Variants in RPS20 observed in about 807,000 individuals in gnomAD.
RPS20 encodes the protein ribosomal protein S20, also known as small ribosomal subunit protein uS10.
RPS20 carries 3 observed loss-of-function variants against 15.3 expected under a neutral mutation model. That is an observed-to-expected ratio of 0.20 (90% CI 0.09 to 0.51). The LOEUF is 0.51. Among genes scored for constraint, RPS20 ranks in the 20% least tolerant of loss-of-function variants. The pLI is 0.96. For synonymous variants in RPS20, 62 were observed against 47.8 expected, an observed-to-expected ratio of 1.30 and a Z score of -1.23; for missense variants, 67 against 145.9, an observed-to-expected ratio of 0.46 and a Z score of 2.79.
downstream of RPS20, among the ~76,000 whole-genome samples, chr8:56,068,760 AGT>A (rs547369776): frequency 4.1e-4 from 55 of 134,540 alleles, no homozygotes; most frequent in African/African-American, 1.4e-3. Context: ...TCAATTTGAC[AGT>A]GTTTCTTAAA....
intron 3 of RPS20, 51 bp downstream of exon 3, chr8:56,073,644 A>C: frequency 6.8e-7 from 1 of 1,479,676 alleles, no homozygotes; most frequent in Non-Finnish European, 9.4e-7. Flanking sequence ...ACCTGAATTT[A>C]TGCAACATCC....
intron 3 of RPS20, 184 bp downstream of exon 3, chr8:56,073,511 A>G (rs760106621): frequency 3.1e-6 from 2 of 651,716 alleles, no homozygotes; most frequent in South Asian, 1.8e-5. Context: ...CACAGCAACA[A>G]TAATTCAACA....
downstream of RPS20, among the ~76,000 whole-genome samples, chr8:56,068,807 C>CTTTTTTTTTTTTTTTTT (rs61576194): frequency 5.4e-4 from 15 of 27,692 alleles, 6 homozygotes; most frequent in Non-Finnish European, 7.1e-4. Flanking sequence ...GTGAAAATAT[C>CTTTTTTTTTTTTTTTTT]TTTTTTTTTT....
At chr8:56,067,599 T>C (rs182580188) in exon 6 of RPS20, 1 of 150,106 alleles carries the variant, frequency 6.7e-6, no homozygotes, top group African/African-American at 2.5e-5. Flanking sequence ...GGCAGGAGAA[T>C]GGCATGAACC....
chr8:56,072,744 T>A (rs893987434), downstream of RPS20: 1 of 325,870 alleles, frequency 3.1e-6, no homozygotes, highest in African/African-American at 2.3e-5. Flanking sequence ...TTTTAACACG[T>A]GCCTACTAGC....
At chr8:56,073,466 G>C in intron 3 of RPS20, 194 bp from the exon 4 acceptor site, 1 of 633,136 alleles carries the variant, frequency 1.6e-6, no homozygotes, top group Non-Finnish European at 2.8e-6. Context: ...CACCCTTAGA[G>C]CTTGCGCCTG....
At chr8:56,067,598 A>C (rs1809647171) in exon 6 of RPS20, 1 of 151,994 alleles carries the variant, frequency 6.6e-6, no homozygotes, top group South Asian at 2.1e-4. Context: ...AGGCAGGAGA[A>C]TGGCATGAAC....
chr8:56,068,530 T>TC (rs1292469363), downstream of RPS20: 2 of 76,396 alleles, frequency 2.6e-5, no homozygotes, highest in African/African-American at 8.4e-5. Context: ...AGAGAAAGAC[T>TC]CTAAAAAAAA....
Position 56,074,422 on chromosome 8 carries a change from G to T in RPS20, c.-39C>A. 6.4e-7 allele frequency: 1 copy of T among 1,550,872 alleles called. No individual in the cohort carries two copies. The highest frequency in any genetic ancestry group is 8.7e-7 in the Non-Finnish European group (1 of 1,154,102). On this transcript the variant is annotated 5_prime_UTR_variant, in exon 1 of 4. Coordinates refer to ENST00000009589, the MANE Select transcript of RPS20 (RefSeq NM_001023.4). ...GGGCTTCCTGACCGACTTGTTCCTC[G>T]GCGAGAGCGAACAGCGGTGAGTCAG...
chr8:56,069,613 T>A, downstream of RPS20: 1 of 948,336 alleles, frequency 1.1e-6, no homozygotes, highest in Non-Finnish European at 1.6e-6. Flanking sequence ...TTCCTCTTAC[T>A]TTCAAAAGAT....
downstream of RPS20, chr8:56,072,829 A>G (rs1809802308): frequency 4.3e-6 from 5 of 1,156,376 alleles, no homozygotes; most frequent in Admixed American, 4.1e-5. Context: ...ATCAGAATTT[A>G]TCTAGAGTAT....
Position 56,074,483 on chromosome 8 carries a change from T to G in RPS20, c.-100A>C. 3 of 1,313,674 alleles carry G rather than the reference T, an allele frequency of 2.3e-6. No homozygotes were observed. The highest frequency in any genetic ancestry group is 1.3e-5 in the South Asian group (1 of 76,946). The allele number at this position is 1,313,674 out of a possible 1,614,324, so 81.4% of individuals were successfully genotyped here. A position where few individuals can be genotyped will look rare whatever the true frequency, so the allele number is the denominator to read the frequency against. ...GTGCGGACCAAAAATCCTCAGCCCT[T>G]ACGACCGCGTCTTCCTCAAAAAGAA... On this transcript the variant is annotated 5_prime_UTR_variant, in exon 1 of 4. Coordinates refer to ENST00000009589, the MANE Select transcript of RPS20 (RefSeq NM_001023.4).
rs183325703 is a variant in RPS20 at position 56,074,503 on chromosome 8, A to G, written c.-120T>C. 1 of 1,113,478 alleles carries G rather than the reference A, an allele frequency of 9.0e-7. No individual in the cohort carries two copies. Among genetic ancestry groups the G allele is most frequent in the Non-Finnish European group, 1.3e-6 (1 of 781,166 alleles). 69.0% of individuals were successfully genotyped at this position (1,113,478 alleles called of 1,614,324 possible). A position where few individuals can be genotyped will look rare whatever the true frequency, so the allele number is the denominator to read the frequency against. On this transcript the variant is annotated 5_prime_UTR_variant, in exon 1 of 4. Transcript: ENST00000009589. ...GCCCTTACGACCGCGTCTTCCTCAA[A>G]AAGAAAGGGGTGGGACTTGAGCAAC... is the stretch of plus-strand genomic sequence containing the variant.
downstream of RPS20, among the ~76,000 whole-genome samples, chr8:56,071,014 G>T (rs934089322): frequency 6.6e-6 from 1 of 152,142 alleles, no homozygotes; most frequent in Non-Finnish European, 1.5e-5. Flanking sequence ...TTCCATGCAG[G>T]TATTTTTAAG....
chr8:56,073,424 A>C, intron 3 of RPS20, 152 bp from the exon 4 acceptor site: 6 of 667,746 alleles, frequency 9.0e-6, no homozygotes, highest in Non-Finnish European at 1.5e-5. Context: ...TGGGTTGAAA[A>C]TGCCAGGTCT....
downstream of RPS20, chr8:56,069,747 A>G: frequency 6.4e-7 from 1 of 1,551,672 alleles, no homozygotes; most frequent in Non-Finnish European, 8.7e-7. Context: ...GTTAAAAAGG[A>G]CATGTCCCCG....
downstream of RPS20, among the ~76,000 whole-genome samples, chr8:56,068,777 AAAATTTCCATATTCTCTTGGTG>A (rs1361690813): frequency 1.2e-3 from 177 of 146,696 alleles, no homozygotes; most frequent in African/African-American, 4.0e-3. Flanking sequence ...CTTAAAATTA[AAAATTTCCATATTCTCTTGGTG>A]AAAATATCTT....
At chr8:56,068,807 C>CTTTTTTTTTTTTTTTTTTTTTTTTTT (rs61576194), downstream of RPS20, among the ~76,000 whole-genome samples, 11 of 27,688 alleles carry the variant, frequency 4.0e-4, 5 homozygotes, top group African/African-American at 5.7e-4. Context: ...GTGAAAATAT[C>CTTTTTTTTTTTTTTTTTTTTTTTTTT]TTTTTTTTTT....
chr8:56,074,470 A>T lies in RPS20; in HGVS notation c.-87T>A, dbSNP rs1193289377. ...CAGGAGCAGGAGCGTGCGGACCAAAAATCCTCAGCCCTTACGACCGCGTCT... is the reference window on the plus strand; with the variant it reads ...CAGGAGCAGGAGCGTGCGGACCAAATATCCTCAGCCCTTACGACCGCGTCT... On this transcript the variant is annotated 5_prime_UTR_variant, in exon 1 of 4. Transcript: ENST00000009589. 1.2e-5 allele frequency: 18 copies of T among 1,452,324 alleles called. No homozygotes were observed. The highest frequency in any genetic ancestry group is 4.1e-5 in the Admixed American group (2 of 48,442). 90.0% of individuals were successfully genotyped at this position (1,452,324 alleles called of 1,614,324 possible). A position where few individuals can be genotyped will look rare whatever the true frequency, so the allele number is the denominator to read the frequency against.
Sources: gnomAD v4.1 joint callset for allele counts (sites outside exome capture counted in the v4.1 genomes callset) on GRCh38, gnomAD v4.1.1 for gene constraint, MANE v1.5 for transcripts, NCBI Gene and HGNC (gene_info 2026-07-23, HGNC 2026-07-21) for gene names.